The following MLX variants were observed in gnomAD, a reference collection of about 807,000 sequenced individuals.
The protein encoded by MLX is max-like protein X.
Under a neutral mutation model 33.0 loss-of-function variants are expected in MLX, and 15 were observed. The observed-to-expected ratio is 0.45, with a 90% CI of 0.30 to 0.70. The LOEUF (loss-of-function observed/expected upper bound fraction) is 0.70, where lower values mean the gene tolerates loss of function less well. MLX is among the 30% of genes least tolerant of loss of function. The pLI, the probability that MLX is intolerant of heterozygous loss-of-function variation, is 0.07. For synonymous variants in MLX, 115 were observed against 115.6 expected (o/e 0.99, Z 0.03); for missense variants, 285 against 306.3 (o/e 0.93, Z 0.52).
At chr17:42,571,423 G>C in intron 7 of MLX, 124 bp from the exon 8 acceptor site, 1 of 1,030,100 alleles carries the variant, frequency 9.7e-7, no homozygotes, top group Non-Finnish European at 1.5e-6. Context: ...CACCACACCT[G>C]GCCCCCGGGG....
At position 42,572,814 on chromosome 17, in the gene MLX, A is replaced by G. The variant is rs2093042741; in HGVS notation, c.*1211A>G. On this transcript the variant is annotated 3_prime_UTR_variant, in exon 8 of 8. Transcript: ENST00000435881. ...CCACCAGCCCTCATCCTCTCTACCC[A>G]GTGCTCTGGTTTATGCTTGTCTCCT... The G allele has an allele frequency of 1.9e-5, 17 of 877,586 alleles. No homozygotes were observed. In the East Asian group the frequency reaches 4.4e-4, roughly 23 times the overall value. 54.4% of individuals were successfully genotyped at this position (877,586 alleles called of 1,614,324 possible).
At chr17:42,568,809 C>G in intron 3 of MLX, 28 bp from the exon 4 acceptor site, 1 of 1,570,240 alleles carries the variant, frequency 6.4e-7, no homozygotes, top group Middle Eastern at 1.7e-4. Flanking sequence ...CCAAGATGAC[C>G]TTTCCCTGCC....
chr17:42,568,864 A>G lies in MLX; in HGVS notation c.197A>G (p.Glu66Gly), dbSNP rs753256987. The stretch of plus-strand genomic sequence containing the variant: ...GATGAGGACAGTGATTACCACCAGG[A>G]GGCCTACAAGGAGTCCTACAAAGAC... The part of the protein sequence containing the change: ...TDDEDSDYHQ[E>G]AYKESYKDRR... The change falls in exon 4 of 8, where the codon GAG (glutamate) becomes GGG (glycine). Residue 66 changes from glutamate to glycine, a missense_variant. Glu to Gly is a moderately conservative substitution (Grantham distance 98). Transcript: ENST00000435881. 1.2e-6 allele frequency: 2 copies of G among 1,611,154 alleles called. No homozygotes were observed. The highest frequency in any genetic ancestry group is 2.2e-5 in the South Asian group (2 of 90,528).
intron 2 of MLX, 23 bp downstream of exon 2, chr17:42,567,678 G>A (rs1182373996): frequency 8.7e-6 from 14 of 1,613,988 alleles, no homozygotes; most frequent in Middle Eastern, 1.6e-4. Flanking sequence ...CCCATCTTAA[G>A]CTCTAGAGGG....
chr17:42,568,494 A>AG lies in MLX; in HGVS notation c.108dup (p.Ser37GlufsTer7). The AG allele has an allele frequency of 6.2e-7, 1 of 1,613,824 alleles. No individual in the cohort carries two copies. The highest frequency in any genetic ancestry group is 8.5e-7 in the Non-Finnish European group (1 of 1,179,810). ...GGGCTTTTTGTAGAAAGCACCCGCA[A>AG]GGGGAGTGTAGTGTCCAGAGCTAAT... On this transcript the variant is annotated frameshift_variant, in exon 3 of 8. Transcript: ENST00000435881. LOFTEE classifies it high-confidence loss of function.
intron 4 of MLX, 34 bp downstream of exon 4, chr17:42,568,977 G>A: frequency 1.3e-6 from 2 of 1,573,210 alleles, no homozygotes; most frequent in Non-Finnish European, 1.7e-6. Flanking sequence ...AGCCAGTGCG[G>A]GAGGGCCCTG....
chr17:42,567,894 A>G, intron 2 of MLX: 1 of 591,380 alleles, frequency 1.7e-6, no homozygotes, highest in Non-Finnish European at 3.0e-6. Context: ...GGAGCAGCTG[A>G]TCACTCACAC....
intron 3 of MLX, 50 bp downstream of exon 3, chr17:42,568,609 T>C (rs1223987768): frequency 2.0e-6 from 3 of 1,530,626 alleles, no homozygotes; most frequent in East Asian, 2.2e-5. Context: ...TATGTCATAA[T>C]TGTAGTACCT....
chr17:42,570,811 A>G (rs2093028259), intron 7 of MLX, among the ~76,000 whole-genome samples: 1 of 152,008 alleles, frequency 6.6e-6, no homozygotes, highest in African/African-American at 2.4e-5. Flanking sequence ...GTGTGCCACC[A>G]TACCTGGCCA....
At chr17:42,567,921 T>G in intron 2 of MLX, 2 of 553,314 alleles carry the variant, frequency 3.6e-6, no homozygotes, top group South Asian at 2.3e-5. Flanking sequence ...CACGTCCACA[T>G]GCCCGTTTGT....
At chr17:42,569,923 A>G (rs974814624) in intron 6 of MLX, 59 bp from the exon 7 acceptor site, 15 of 1,513,034 alleles carry the variant, frequency 9.9e-6, no homozygotes, top group Non-Finnish European at 1.4e-5. Context: ...TAGTCCCGTC[A>G]TTCTTCTTGG....
chr17:42,567,926 G>T (rs764664222), intron 2 of MLX: 6 of 553,618 alleles, frequency 1.1e-5, no homozygotes, highest in African/African-American at 3.8e-5. Context: ...CCACATGCCC[G>T]TTTGTGAGCC....
chr17:42,568,354 CTCTG>C (rs2093017341), intron 2 of MLX, 112 bp from the exon 3 acceptor site: 2 of 683,208 alleles, frequency 2.9e-6, no homozygotes, highest in African/African-American at 1.8e-5. Flanking sequence ...CTGAGCGAGA[CTCTG>C]TCTAAAAAAA....
At chr17:42,567,583 A>G (rs1281527404) in intron 1 of MLX, 36 bp from the exon 2 acceptor site, 3 of 1,613,384 alleles carry the variant, frequency 1.9e-6, no homozygotes, top group Admixed American at 1.7e-5. Context: ...CTAGGGGCGG[A>G]GGTCTGACGG....
intron 7 of MLX, 29 bp downstream of exon 7, chr17:42,570,212 G>T: frequency 1.2e-6 from 2 of 1,608,624 alleles, no homozygotes; most frequent in Non-Finnish European, 1.7e-6. Flanking sequence ...CACAGGGTCT[G>T]CGGTTTTCTC....
chr17:42,567,777 G>C (rs2093014824), intron 2 of MLX, 122 bp downstream of exon 2: 1 of 1,304,238 alleles, frequency 7.7e-7, no homozygotes, highest in Admixed American at 1.9e-5. Flanking sequence ...TTCCTGGCTT[G>C]AGACAGCAGG....
chr17:42,569,379 T>C, intron 5 of MLX, 76 bp downstream of exon 5: 1 of 1,529,552 alleles, frequency 6.5e-7, no homozygotes, highest in Non-Finnish European at 9.1e-7. Flanking sequence ...TACCCACCCA[T>C]GGCTCGGCCT....
At position 42,568,848 on chromosome 17, in the gene MLX, A is replaced by G. The variant is rs374345141; in HGVS notation, c.181A>G (p.Ser61Gly). The change falls in exon 4 of 8, where the codon AGT (serine) becomes GGT (glycine). Residue 61 changes from serine to glycine, a missense_variant. Ser to Gly is a moderately conservative substitution (Grantham distance 56). Transcript: ENST00000435881. ...ATCTCTGAGCGTAGATGATGAGGAC[A>G]GTGATTACCACCAGGAGGCCTACAA... ...SSVPNTDDED[S>G]DYHQEAYKES... is the part of the protein sequence containing the mutation. 7.5e-5 allele frequency: 121 copies of G among 1,608,940 alleles called. No homozygotes were observed. Among genetic ancestry groups the G allele is most frequent in the Middle Eastern group, 6.6e-4 (4 of 6,060 alleles).
At chr17:42,567,535 C>A in intron 1 of MLX, 84 bp from the exon 2 acceptor site, 1 of 1,596,912 alleles carries the variant, frequency 6.3e-7, no homozygotes, top group Non-Finnish European at 8.5e-7. Flanking sequence ...GAATGGGGGG[C>A]GCGCTGTGCG....
Sources: allele counts gnomAD v4.1 joint callset (sites outside exome capture counted in the v4.1 genomes callset), GRCh38; gene constraint gnomAD v4.1.1; transcripts MANE v1.5; gene names NCBI Gene and HGNC (gene_info 2026-07-23, HGNC 2026-07-21).